Variants in TRIP12 observed in about 807,000 individuals in gnomAD.
The protein encoded by TRIP12 is E3 ubiquitin-protein ligase TRIP12.
A neutral mutation model predicts 244.2 loss-of-function variants in TRIP12; 25 were observed. That is an observed-to-expected ratio of 0.10 (90% CI 0.07 to 0.14). TRIP12 has a LOEUF of 0.14. Ranked by LOEUF, TRIP12 falls within the 10% of genes least tolerant of loss-of-function variation. The pLI, the probability that TRIP12 is intolerant of heterozygous loss-of-function variation, is 1.00. For missense variants in TRIP12, 1,677 were observed against 2,486.4 expected (o/e 0.67, Z 6.92); for synonymous variants, 905 against 873.1 (o/e 1.04, Z -0.64).
At chr2:229,910,758 G>C (rs904147274) in intron 1 of TRIP12, among the ~76,000 whole-genome samples, 1 of 152,092 alleles carries the variant, frequency 6.6e-6, no homozygotes, top group East Asian at 1.9e-4. Flanking sequence ...CTTTTCAAAA[G>C]GCAGGATGAA....
chr2:229,853,588 G>C (rs1003973631), intron 4 of TRIP12, among the ~76,000 whole-genome samples: 4 of 151,900 alleles, frequency 2.6e-5, no homozygotes, highest in African/African-American at 7.3e-5. Flanking sequence ...ATCCAGGAGG[G>C]GGAGGATGCA....
chr2:229,815,774 A>T (rs566406874), intron 9 of TRIP12, among the ~76,000 whole-genome samples: 1 of 152,288 alleles, frequency 6.6e-6, no homozygotes, highest in South Asian at 2.1e-4. Context: ...AAAACAGATA[A>T]GCACCATTTG....
intron 8 of TRIP12, among the ~76,000 whole-genome samples, chr2:229,820,927 G>A (rs1048579961): frequency 3.3e-5 from 5 of 152,170 alleles, no homozygotes; most frequent in Middle Eastern, 6.3e-3. Context: ...GGTTGCTAAT[G>A]TAGAACTCAT....
intron 8 of TRIP12, among the ~76,000 whole-genome samples, chr2:229,822,532 G>A (rs1286638575): frequency 6.6e-6 from 1 of 152,178 alleles, no homozygotes; most frequent in Non-Finnish European, 1.5e-5. Context: ...TACAACTCTG[G>A]TTAAAACAAG....
At chr2:229,781,757 C>T (rs1203078659) in intron 34 of TRIP12, among the ~76,000 whole-genome samples, 1 of 152,184 alleles carries the variant, frequency 6.6e-6, no homozygotes, top group African/African-American at 2.4e-5. Context: ...TCCTAAAGGC[C>T]ACCAGCTGAC....
chr2:229,830,872 G>A (rs1282605065), intron 6 of TRIP12, 33 bp from the exon 7 acceptor site: 4 of 1,604,978 alleles, frequency 2.5e-6, no homozygotes, highest in Non-Finnish European at 2.6e-6. Flanking sequence ...AGGGTTAGGA[G>A]GAGCACTTAA....
chr2:229,765,345 T>C lies in TRIP12; in HGVS notation c.*2209A>G, dbSNP rs932466236. On this transcript the variant is annotated 3_prime_UTR_variant, in exon 42 of 42. Transcript: ENST00000675903. The stretch of plus-strand genomic sequence containing the variant: ...GAGTAACAGCAAATGAAGTATATAC[T>C]TTTTCCCTCTGGTGCAATAAGGCCT... The C allele has an allele frequency of 6.6e-5, 10 of 152,156 alleles. No homozygotes were observed. Among genetic ancestry groups the C allele is most frequent in the Admixed American group, 6.5e-4 (10 of 15,282 alleles). 9.4% of individuals were successfully genotyped at this position (152,156 alleles called of 1,614,324 possible). A position where few individuals can be genotyped will look rare whatever the true frequency, so the allele number is the denominator to read the frequency against.
At position 229,764,495 on chromosome 2, in the gene TRIP12, T is replaced by C. The variant is rs752266780; in HGVS notation, c.*3059A>G. 4 of 152,244 alleles carry C rather than the reference T, an allele frequency of 2.6e-5. No individual in the cohort carries two copies. Among genetic ancestry groups the C allele is most frequent in the Non-Finnish European group, 5.9e-5 (4 of 68,032 alleles). The allele number at this position is 152,244 out of a possible 1,614,324, so 9.4% of individuals were successfully genotyped here. A position where few individuals can be genotyped will look rare whatever the true frequency, so the allele number is the denominator to read the frequency against. On this transcript the variant is annotated 3_prime_UTR_variant, in exon 42 of 42. Transcript: ENST00000675903. ...AGGATTTGGCATATGAATGCACTTTTATGAAAAACTTCATCACATTTTTTT... is the reference window on the plus strand; with the variant it reads ...AGGATTTGGCATATGAATGCACTTTCATGAAAAACTTCATCACATTTTTTT...
At position 229,781,379 on chromosome 2, in the gene TRIP12, G is replaced by A. The variant is rs550204126; in HGVS notation, c.5095-2389C>T. ...TAACACATACTGGCACTTATTATGT[G>A]ACAATGGTCTGAGTGTTTCACACAT... On this transcript the variant is annotated intron_variant, in intron 34 of 41. Coordinates refer to ENST00000675903, the MANE Select transcript of TRIP12 (RefSeq NM_001348323.3). 8.5e-5 allele frequency among the ~76,000 whole-genome samples: 13 copies of A among 152,344 alleles called. 1 individual carries two copies. Among genetic ancestry groups the A allele is most frequent in the African/African-American group, 3.1e-4 (13 of 41,584 alleles).
chr2:229,827,562 C>T (rs961388833), intron 8 of TRIP12, among the ~76,000 whole-genome samples: 4 of 152,064 alleles, frequency 2.6e-5, no homozygotes, highest in Admixed American at 6.6e-5. Flanking sequence ...TGAAGATCAT[C>T]GGTATCATTA....
chr2:229,913,452 A>C (rs1046743480), intron 1 of TRIP12, among the ~76,000 whole-genome samples: 2 of 152,256 alleles, frequency 1.3e-5, no homozygotes, highest in African/African-American at 4.8e-5. Flanking sequence ...GCACACAGTA[A>C]GCACTTGATA....
At chr2:229,888,328 C>G (rs1161052504) in intron 1 of TRIP12, among the ~76,000 whole-genome samples, 1 of 151,992 alleles carries the variant, frequency 6.6e-6, no homozygotes, top group Non-Finnish European at 1.5e-5. Flanking sequence ...CACTGACATG[C>G]AGGAGGTAAG....
chr2:229,804,051 A>G lies in TRIP12; in HGVS notation c.2827T>C (p.Phe943Leu). 1 of 1,614,128 alleles carries G rather than the reference A, an allele frequency of 6.2e-7. No homozygotes were observed. The highest frequency in any genetic ancestry group is 8.5e-7 in the Non-Finnish European group (1 of 1,180,000). The change falls in exon 19 of 42, where the codon TTT becomes CTT. Residue 943 changes from phenylalanine (F) to leucine (L), a missense_variant. Physicochemically the swap from Phe to Leu is conservative, Grantham distance 22. Coordinates refer to ENST00000675903, the MANE Select transcript of TRIP12 (RefSeq NM_001348323.3). ...TCCTTCAGAAGTTCAGCATCCGCAA[A>G]ATAAATTATCCTAAGAATTGCTCTA... ...CLRAILRIIY[F>L]ADAELLKDVL...
chr2:229,848,597 A>T (rs1251954059), intron 4 of TRIP12, among the ~76,000 whole-genome samples: 1 of 152,312 alleles, frequency 6.6e-6, no homozygotes, highest in East Asian at 1.9e-4. Flanking sequence ...TAAGAGGACA[A>T]GCACTCAATA....
At chr2:229,860,775 T>A (rs1012766827) in intron 2 of TRIP12, among the ~76,000 whole-genome samples, 11 of 151,954 alleles carry the variant, frequency 7.2e-5, no homozygotes, top group Admixed American at 2.0e-4. Flanking sequence ...GTAGTCATAA[T>A]TGCACAGCGT....
At chr2:229,819,858 TAC>T (rs2049561621) in intron 8 of TRIP12, among the ~76,000 whole-genome samples, 1 of 152,214 alleles carries the variant, frequency 6.6e-6, no homozygotes, top group African/African-American at 2.4e-5. Context: ...CCTGGGGGCG[TAC>T]ACCTCTCACA....
chr2:229,917,584 G>C lies in TRIP12; in HGVS notation c.-50+4296C>G, dbSNP rs1434844444. ...AAAAGTGGCACAGAATAATCCACTGGCTTAACACTAAAACATGGCAGTGAC... is the reference window on the plus strand; with the variant it reads ...AAAAGTGGCACAGAATAATCCACTGCCTTAACACTAAAACATGGCAGTGAC... On this transcript the variant is annotated intron_variant, in intron 1 of 41. Transcript: ENST00000675903. Among the ~76,000 whole-genome samples, 3 of 151,820 alleles carry C rather than the reference G, an allele frequency of 2.0e-5. No homozygotes were observed. The East Asian group carries it at 5.8e-4, about 29-fold the overall frequency.
chr2:229,784,810 T>A (rs1466714514), intron 34 of TRIP12, among the ~76,000 whole-genome samples: 2 of 152,248 alleles, frequency 1.3e-5, no homozygotes, highest in African/African-American at 4.8e-5. Context: ...CTCGCATATA[T>A]ACGTTACTGG....
upstream of TRIP12, chr2:229,922,679 G>A (rs1267879996): frequency 3.3e-6 from 5 of 1,513,742 alleles, no homozygotes; most frequent in East Asian, 1.2e-4. Flanking sequence ...CGGGACGCAG[G>A]CTGTGCTAGG....
Sources: allele counts gnomAD v4.1 joint callset (sites outside exome capture counted in the v4.1 genomes callset), GRCh38; gene constraint gnomAD v4.1.1; transcripts MANE v1.5; gene names NCBI Gene and HGNC (gene_info 2026-07-23, HGNC 2026-07-21).